NBEAL1: variants seen among roughly 807,000 people sequenced by gnomAD.
NBEAL1 encodes the protein neurobeachin-like protein 1.
In NBEAL1, 273 loss-of-function variants were observed where a neutral mutation model predicts 351.3. The observed-to-expected ratio is 0.78, with a 90% CI of 0.70 to 0.86. The LOEUF (loss-of-function observed/expected upper bound fraction) is 0.86. Among genes scored for constraint, NBEAL1 ranks in the 40% least tolerant of loss-of-function variants. The pLI, the probability that NBEAL1 is intolerant of heterozygous loss-of-function variation, is 0.00. For synonymous variants in NBEAL1, 1,050 were observed against 1,086.4 expected (o/e 0.97, Z 0.66); for missense variants, 2,961 against 3,201.3 (o/e 0.92, Z 1.81).
chr2:203,072,303 T>C (rs2061696522), intron 7 of NBEAL1, among the ~76,000 whole-genome samples: 2 of 152,150 alleles, frequency 1.3e-5, no homozygotes, highest in African/African-American at 4.8e-5. Flanking sequence ...CCCGTATCCA[T>C]TCCTGGCCTC....
Position 203,210,488 on chromosome 2 carries a change from C to T in NBEAL1, c.7786-470C>T, listed in dbSNP as rs527998137. Among the ~76,000 whole-genome samples the T allele has an allele frequency of 6.6e-5, 10 of 151,934 alleles. No homozygotes were observed. The South Asian group carries it at 8.3e-4, about 13-fold the overall frequency. On this transcript the variant is annotated intron_variant, in intron 53 of 55. Transcript: ENST00000683969. ...CATCCTAACTAACACAGTGAAACCC[C>T]GTCTCTACTAAAAATGCAAAAAAAG...
chr2:203,084,511 C>G lies in NBEAL1; in HGVS notation c.1040C>G (p.Ala347Gly), dbSNP rs377027532. 1.8e-5 allele frequency: 28 copies of G among 1,545,414 alleles called. No homozygotes were observed. The highest frequency in any genetic ancestry group is 2.2e-5 in the Non-Finnish European group (25 of 1,144,208). Residue 347 changes from alanine to glycine, a missense_variant, in exon 10 of 56, where the codon GCC becomes GGC. Physicochemically the swap from Ala to Gly is moderately conservative, Grantham distance 60. Transcript: ENST00000683969. ...LDCTDRPVLQ[A>G]IFLNSNCFEH... is the part of the protein sequence containing the mutation. Reference sequence around the variant, plus strand: ...TGTACAGATAGACCTGTTCTTCAGGCCATTTTTCTTAACAGCAATTGCTTT... The same window carrying G: ...TGTACAGATAGACCTGTTCTTCAGGGCATTTTTCTTAACAGCAATTGCTTT...
Position 203,152,805 on chromosome 2 carries a change from G to A in NBEAL1, c.5587+1216G>A, listed in dbSNP as rs549920720. Among the ~76,000 whole-genome samples, 25 of 151,364 alleles carry A rather than the reference G, an allele frequency of 1.7e-4. No individual in the cohort carries two copies. The East Asian group carries it at 4.6e-3, about 28-fold the overall frequency. ...TAATCCCAGCATTTTGGGAGGCCGC[G>A]GCAGCAGATCACCTGAGGTCAGGAG... On this transcript the variant is annotated intron_variant, in intron 35 of 55. Transcript: ENST00000683969.
At chr2:203,189,179 A>G (rs1414276515) in intron 45 of NBEAL1, among the ~76,000 whole-genome samples, 2 of 152,194 alleles carry the variant, frequency 1.3e-5, no homozygotes, top group African/African-American at 2.4e-5. Flanking sequence ...AGTTTAGCCA[A>G]TTACTAGTCG....
chr2:203,124,793 A>G (rs1023367586), intron 19 of NBEAL1, among the ~76,000 whole-genome samples: 5 of 152,184 alleles, frequency 3.3e-5, no homozygotes, highest in Non-Finnish European at 7.4e-5. Context: ...GGGTGTTACT[A>G]TTATCCTCAT....
At chr2:203,029,371 C>T (rs2060913137) in intron 2 of NBEAL1, among the ~76,000 whole-genome samples, 1 of 152,174 alleles carries the variant, frequency 6.6e-6, no homozygotes, top group African/African-American at 2.4e-5. Flanking sequence ...ACATATTTTA[C>T]CTAACATTGC....
At chr2:203,127,478 C>G (rs2062965748) in intron 23 of NBEAL1, among the ~76,000 whole-genome samples, 1 of 152,082 alleles carries the variant, frequency 6.6e-6, no homozygotes, top group Admixed American at 6.6e-5. Flanking sequence ...AATCCCAGCA[C>G]TTCGGGAGGC....
chr2:203,120,634 A>C (rs1283441759), intron 18 of NBEAL1, among the ~76,000 whole-genome samples: 2 of 152,232 alleles, frequency 1.3e-5, no homozygotes, highest in Non-Finnish European at 2.9e-5. Context: ...GTCACATTAG[A>C]GCAAACCTCC....
At chr2:203,089,358 CAAA>C (rs773856301) in intron 10 of NBEAL1, among the ~76,000 whole-genome samples, 6 of 118,376 alleles carry the variant, frequency 5.1e-5, no homozygotes, top group East Asian at 2.4e-4. Context: ...GACTCCATCT[CAAA>C]AAAAAAAAAA....
chr2:203,018,790 T>C (rs2060721849), intron 2 of NBEAL1, among the ~76,000 whole-genome samples: 1 of 152,122 alleles, frequency 6.6e-6, no homozygotes, highest in Admixed American at 6.5e-5. Context: ...TCCTAATTAT[T>C]TTAAAGCAAA....
chr2:203,043,357 G>A (rs569028014), intron 3 of NBEAL1, among the ~76,000 whole-genome samples: 25 of 152,122 alleles, frequency 1.6e-4, no homozygotes, highest in African/African-American at 5.5e-4. Flanking sequence ...TATCTTGAAG[G>A]CCTAATAGTT....
chr2:203,172,675 G>A (rs2064360287), intron 40 of NBEAL1, 54 bp from the exon 41 acceptor site: 1 of 1,522,856 alleles, frequency 6.6e-7, no homozygotes, highest in African/African-American at 1.4e-5. Context: ...TAGATATGAG[G>A]ATATTAGCTT....
chr2:203,211,012 A>G lies in NBEAL1; in HGVS notation c.7840A>G (p.Ile2614Val). The G allele has an allele frequency of 6.2e-7, 1 of 1,605,824 alleles. No individual in the cohort carries two copies. Among genetic ancestry groups the G allele is most frequent in the Non-Finnish European group, 8.5e-7 (1 of 1,174,576 alleles). ...AAATGGCAAGTATCTAGGGTCTCAA[A>G]TCCTGAAGGAACAAGTATCAGATAT... is the stretch of plus-strand genomic sequence containing the variant. ...SINGKYLGSQ[I>V]LKEQVSDICI... Residue 2614 changes from isoleucine to valine, a missense_variant, in exon 54 of 56, where the codon ATC becomes GTC. Physicochemically the swap from Ile to Val is conservative, Grantham distance 29. Coordinates refer to ENST00000683969, the MANE Select transcript of NBEAL1 (RefSeq NM_001378026.1).
intron 51 of NBEAL1, among the ~76,000 whole-genome samples, chr2:203,205,168 T>C (rs2065518547): frequency 1.3e-5 from 2 of 152,200 alleles, no homozygotes; most frequent in Non-Finnish European, 2.9e-5. Flanking sequence ...TTTAGCTTAC[T>C]TCTATTATTT....
In NBEAL1 at chr2:203,057,403, T is replaced by TATA; in HGVS notation, c.465_466insATA (p.Phe155_Cys156insIle). On this transcript the variant is annotated inframe_insertion, in exon 6 of 56. Transcript: ENST00000683969. ...AATTTGTGATCCACGCATTGGCATTTTGTGAAAGCTTATATGATCCATATC... is the reference window on the plus strand; with the variant it reads ...AATTTGTGATCCACGCATTGGCATTTATATGTGAAAGCTTATATGATCCATATC... 6.4e-7 allele frequency: 1 copy of TATA among 1,552,912 alleles called. No homozygotes were observed. Among genetic ancestry groups the TATA allele is most frequent in the Non-Finnish European group, 8.7e-7 (1 of 1,146,714 alleles).
chr2:203,184,556 C>T (rs2064839176), intron 44 of NBEAL1, among the ~76,000 whole-genome samples: 1 of 151,972 alleles, frequency 6.6e-6, no homozygotes, highest in Non-Finnish European at 1.5e-5. Context: ...ATTGATGGCT[C>T]CACTTTTCCC....
chr2:203,081,672 A>C (rs1574943327), intron 8 of NBEAL1, among the ~76,000 whole-genome samples: 1 of 152,202 alleles, frequency 6.6e-6, no homozygotes, highest in Admixed American at 6.5e-5. Context: ...TTTGAATGTC[A>C]ATCTGTCATG....
chr2:203,140,810 G>T (rs2063348180), intron 31 of NBEAL1, among the ~76,000 whole-genome samples: 1 of 152,018 alleles, frequency 6.6e-6, no homozygotes, highest in South Asian at 2.1e-4. Context: ...GGCGAGGTGA[G>T]TGGATTCACT....
intron 42 of NBEAL1, among the ~76,000 whole-genome samples, chr2:203,180,179 G>A (rs962298175): frequency 2.0e-5 from 3 of 152,148 alleles, no homozygotes; most frequent in Admixed American, 2.0e-4. Flanking sequence ...TAAAATTAGA[G>A]TATTTAGTTC....
Sources: gnomAD v4.1 joint callset for allele counts (sites outside exome capture counted in the v4.1 genomes callset) on GRCh38, gnomAD v4.1.1 for gene constraint, MANE v1.5 for transcripts, NCBI Gene and HGNC (gene_info 2026-07-23, HGNC 2026-07-21) for gene names.